The following CTCF variants were observed in gnomAD, a reference collection of about 807,000 sequenced individuals.
CTCF encodes the protein transcriptional repressor CTCF.
A neutral mutation model predicts 72.3 loss-of-function variants in CTCF; 7 were observed. The observed-to-expected ratio is 0.10, with a 90% CI of 0.06 to 0.18. The LOEUF is 0.18. CTCF is among the 10% of genes least tolerant of loss of function. The pLI is 1.00. For synonymous variants in CTCF, 374 were observed against 315.8 expected (o/e 1.18, Z -1.95); for missense variants, 516 against 949.1 (o/e 0.54, Z 6.00).
At chr16:67,616,631 A>AGTT (rs1428981539) in intron 4 of CTCF, 114 bp from the exon 5 acceptor site, 4 of 1,187,266 alleles carry the variant, frequency 3.4e-6, no homozygotes, top group Non-Finnish European at 3.6e-6. Flanking sequence ...AAGCTACTGC[A>AGTT]GTTGATGGGA....
intron 2 of CTCF, among the ~76,000 whole-genome samples, chr16:67,582,642 G>A (rs1276025150): frequency 2.0e-5 from 3 of 152,030 alleles, no homozygotes; most frequent in East Asian, 1.9e-4. Flanking sequence ...GCAGTGAGCC[G>A]AGATCGCGCC....
intron 1 of CTCF, among the ~76,000 whole-genome samples, chr16:67,567,408 G>C (rs543412850): frequency 6.6e-6 from 1 of 152,272 alleles, no homozygotes; most frequent in East Asian, 1.9e-4. Flanking sequence ...CAGTATGGAA[G>C]TGTTGGTTGG....
At chr16:67,630,358 C>T (rs1315723927) in intron 10 of CTCF, among the ~76,000 whole-genome samples, 2 of 152,144 alleles carry the variant, frequency 1.3e-5, no homozygotes, top group Admixed American at 6.6e-5. Flanking sequence ...TTAATCTCTC[C>T]ATTTAAAGTT....
At chr16:67,611,834 C>T (rs1235465856) in intron 3 of CTCF, 117 bp from the exon 4 acceptor site, 2 of 1,004,292 alleles carry the variant, frequency 2.0e-6, no homozygotes, top group Admixed American at 2.3e-5. Flanking sequence ...ATAATTATGA[C>T]TTATATTGGG....
intron 2 of CTCF, among the ~76,000 whole-genome samples, chr16:67,606,716 C>G (rs1478082855): frequency 6.8e-6 from 1 of 147,124 alleles, no homozygotes; most frequent in African/African-American, 2.5e-5. Flanking sequence ...GAGCTGTATT[C>G]TTGGCCAAAA....
chr16:67,565,486 AAC>A (rs2051331572), intron 1 of CTCF, among the ~76,000 whole-genome samples: 2 of 151,928 alleles, frequency 1.3e-5, no homozygotes, highest in African/African-American at 4.8e-5. Flanking sequence ...CATCCTGACT[AAC>A]ACAGTGAAAC....
intron 2 of CTCF, among the ~76,000 whole-genome samples, chr16:67,590,170 T>C (rs1347874217): frequency 6.6e-6 from 1 of 151,994 alleles, no homozygotes; most frequent in Non-Finnish European, 1.5e-5. Context: ...CAGCCACCTT[T>C]TGGCGAAAGA....
In CTCF at chr16:67,570,181, A is replaced by G. The variant is rs1192091714; in HGVS notation, c.-126-967A>G. Among the ~76,000 whole-genome samples, 5 of 147,356 alleles carry G rather than the reference A, an allele frequency of 3.4e-5. No homozygotes were observed. The South Asian group carries it at 6.4e-4, about 19-fold the overall frequency. ...AAGCTCCGCCTCCCGGGTTCATGCC[A>G]TTCTCCTGCCTCAGTCTCCTGAGTA... On this transcript the variant is annotated intron_variant, in intron 1 of 11. Coordinates refer to ENST00000264010, the MANE Select transcript of CTCF (RefSeq NM_006565.4).
chr16:67,579,994 T>G (rs1024725002), intron 2 of CTCF, among the ~76,000 whole-genome samples: 1 of 152,076 alleles, frequency 6.6e-6, no homozygotes, highest in Non-Finnish European at 1.5e-5. Context: ...GTTTTCAGCA[T>G]GGTGGTTTCA....
chr16:67,611,905 A>G, intron 3 of CTCF, 46 bp from the exon 4 acceptor site: 1 of 1,537,286 alleles, frequency 6.5e-7, no homozygotes, highest in Admixed American at 1.7e-5. Context: ...ATTAATCTTA[A>G]CACTTTGAAA....
In CTCF at chr16:67,616,889, A is replaced by G. The variant is rs1446696424; in HGVS notation, c.1086+11A>G. The stretch of plus-strand genomic sequence containing the variant: ...TACGCCAGTGTAGAAGTGAGTGTTC[A>G]GCTTTTTGTTGGTATCTCTCTTAGG... On this transcript the variant is annotated intron_variant, in intron 5 of 11. Coordinates refer to ENST00000264010, the MANE Select transcript of CTCF (RefSeq NM_006565.4). 6.2e-7 allele frequency: 1 copy of G among 1,613,734 alleles called. No individual in the cohort carries two copies. Among genetic ancestry groups the G allele is most frequent in the African/African-American group, 1.3e-5 (1 of 74,924 alleles).
At chr16:67,617,216 AGGCTG>A (rs1006845391) in intron 5 of CTCF, among the ~76,000 whole-genome samples, 2 of 151,764 alleles carry the variant, frequency 1.3e-5, no homozygotes, top group Non-Finnish European at 2.9e-5. Context: ...TAAAAAATTT[AGGCTG>A]GGCCTGGTGG....
At chr16:67,606,913 C>T (rs528968518) in intron 2 of CTCF, among the ~76,000 whole-genome samples, 1 of 151,874 alleles carries the variant, frequency 6.6e-6, no homozygotes, top group East Asian at 1.9e-4. Flanking sequence ...ATTAGAGGCA[C>T]ACCCCACCAC....
intron 2 of CTCF, among the ~76,000 whole-genome samples, chr16:67,598,520 A>G (rs2051843949): frequency 6.6e-6 from 1 of 152,256 alleles, no homozygotes; most frequent in Non-Finnish European, 1.5e-5. Flanking sequence ...TTATTATTAC[A>G]TGGTTTGAGA....
chr16:67,599,239 AC>A (rs1435354283), intron 2 of CTCF, among the ~76,000 whole-genome samples: 3 of 152,192 alleles, frequency 2.0e-5, no homozygotes, highest in African/African-American at 7.2e-5. Flanking sequence ...TAGTAAAAAT[AC>A]AAAAACTAGT....
chr16:67,602,988 C>T (rs1284962146), intron 2 of CTCF, among the ~76,000 whole-genome samples: 1 of 152,098 alleles, frequency 6.6e-6, no homozygotes, highest in Non-Finnish European at 1.5e-5. Context: ...GTCCTCAGAC[C>T]ATACTTTGAA....
At chr16:67,622,811 A>ATTTTTTTT (rs951749794) in intron 7 of CTCF, among the ~76,000 whole-genome samples, 1 of 123,928 alleles carries the variant, frequency 8.1e-6, no homozygotes, top group Non-Finnish European at 1.7e-5. Context: ...GCCCGGCTAA[A>ATTTTTTTT]TTTTTTTTTT....
intron 2 of CTCF, among the ~76,000 whole-genome samples, chr16:67,601,984 C>T (rs990850339): frequency 6.6e-6 from 1 of 151,910 alleles, no homozygotes; most frequent in Non-Finnish European, 1.5e-5. Flanking sequence ...CTGCCTCAGC[C>T]TCCCAAATAG....
rs1275661455 is a variant in CTCF at position 67,575,014 on chromosome 16, T to C, written c.-10+3750T>C. ...ATTACTAAGTATTGTTATTAACATA[T>C]TGCTCTTAACATAAGTGGCATTTAA... On this transcript the variant is annotated intron_variant, in intron 2 of 11. Transcript: ENST00000264010. Among the ~76,000 whole-genome samples the C allele has an allele frequency of 2.0e-5, 3 of 152,242 alleles. 1 individual carries two copies. The highest frequency in any genetic ancestry group is 6.5e-5 in the Admixed American group (1 of 15,280).
Sources: allele counts gnomAD v4.1 joint callset (sites outside exome capture counted in the v4.1 genomes callset), GRCh38; gene constraint gnomAD v4.1.1; transcripts MANE v1.5; gene names NCBI Gene and HGNC (gene_info 2026-07-23, HGNC 2026-07-21).